Variants in EPG5 observed in about 807,000 individuals in gnomAD.
EPG5 encodes ectopic P granules protein 5 homolog.
Under a neutral mutation model 302.7 loss-of-function variants are expected in EPG5, and 159 were observed. The observed-to-expected ratio is 0.53, with a 90% CI of 0.46 to 0.60. EPG5 has a LOEUF of 0.60. EPG5 is among the 20% of genes least tolerant of loss of function. The pLI is 0.00. For missense variants in EPG5, 2,896 were observed against 3,092.4 expected, an observed-to-expected ratio of 0.94 and a Z score of 1.51; for synonymous variants, 1,158 against 1,136.8, an observed-to-expected ratio of 1.02 and a Z score of -0.37.
intron 27 of EPG5, 113 bp from the exon 28 acceptor site, chr18:45,890,053 C>T: frequency 1.3e-6 from 1 of 761,624 alleles, no homozygotes; most frequent in Non-Finnish European, 2.0e-6. Context: ...ATTTGTATCT[C>T]TTTATATGAC....
At chr18:45,959,989 T>C (rs188839498) in intron 1 of EPG5, among the ~76,000 whole-genome samples, 1 of 151,738 alleles carries the variant, frequency 6.6e-6, no homozygotes, top group East Asian at 2.0e-4. Context: ...CTACTTCAGT[T>C]AAAAATAAAT....
the EPG5 span, among the ~76,000 whole-genome samples, chr18:45,831,512 G>A: frequency 6.6e-6 from 1 of 152,188 alleles, no homozygotes; most frequent in African/African-American, 2.4e-5. Flanking sequence ...GCAATGGCCA[G>A]ACTGTCAACC....
intron 10 of EPG5, among the ~76,000 whole-genome samples, chr18:45,939,291 T>C (rs138914406): frequency 6.6e-6 from 1 of 152,200 alleles, no homozygotes; most frequent in Non-Finnish European, 1.5e-5. Context: ...GGGTATGTGA[T>C]AGATAGAATC....
At chr18:45,938,609 A>T (rs1005825996) in intron 10 of EPG5, among the ~76,000 whole-genome samples, 3 of 152,174 alleles carry the variant, frequency 2.0e-5, no homozygotes, top group Non-Finnish European at 4.4e-5. Context: ...CCCCAGATGA[A>T]ACCACACAAG....
At chr18:45,816,323 T>C in the EPG5 span, among the ~76,000 whole-genome samples, 2 of 151,916 alleles carry the variant, frequency 1.3e-5, no homozygotes, top group Non-Finnish European at 2.9e-5. Flanking sequence ...GCAAAAGGTA[T>C]CGTCAGCAGA....
rs1350475385 is a variant in EPG5 at position 45,847,930 on chromosome 18, G to A, written c.*4537C>T. 6.6e-6 allele frequency: 1 copy of A among 152,426 alleles called. No individual in the cohort carries two copies. The highest frequency in any genetic ancestry group is 2.4e-5 in the African/African-American group (1 of 41,374). The allele number at this position is 152,426 out of a possible 1,614,324, so 9.4% of individuals were successfully genotyped here. A position where few individuals can be genotyped will look rare whatever the true frequency, so the allele number is the denominator to read the frequency against. On this transcript the variant is annotated 3_prime_UTR_variant, in exon 44 of 44. Coordinates refer to ENST00000282041, the MANE Select transcript of EPG5 (RefSeq NM_020964.3). ...TACATCTGTACATTAAAAAATAAAA[G>A]TTATAATCAACAACATTCCTTCGCA...
At chr18:45,824,921 G>A in the EPG5 span, among the ~76,000 whole-genome samples, 2 of 151,982 alleles carry the variant, frequency 1.3e-5, no homozygotes, top group Non-Finnish European at 2.9e-5. Context: ...TTGGACATGA[G>A]GGTTAGAGAG....
chr18:45,838,725 G>T, the EPG5 span: 1 of 1,576,144 alleles, frequency 6.3e-7, no homozygotes, highest in African/African-American at 1.4e-5. Flanking sequence ...CAGCCGCGCC[G>T]CGGATCGTCA....
the EPG5 span, among the ~76,000 whole-genome samples, chr18:45,809,202 C>A: frequency 1.2e-4 from 18 of 152,138 alleles, no homozygotes; most frequent in Non-Finnish European, 2.1e-4. Flanking sequence ...ATGCATCTAA[C>A]ACTGGAGCTC....
At chr18:45,928,069 G>A (rs565577441) in intron 13 of EPG5, among the ~76,000 whole-genome samples, 24 of 152,144 alleles carry the variant, frequency 1.6e-4, no homozygotes, top group African/African-American at 2.9e-4. Flanking sequence ...GGTGGCGGGC[G>A]CCTGTAATCC....
chr18:45,889,015 CT>C (rs1192991046), intron 28 of EPG5, among the ~76,000 whole-genome samples: 1 of 152,088 alleles, frequency 6.6e-6, no homozygotes, highest in East Asian at 1.9e-4. Context: ...ATTCTCACAC[CT>C]TTTTGTGTCC....
intron 27 of EPG5, 86 bp downstream of exon 27, chr18:45,899,318 T>C (rs560240132): frequency 3.4e-5 from 51 of 1,479,996 alleles, no homozygotes; most frequent in Non-Finnish European, 4.6e-5. Context: ...GTGTGCTATA[T>C]ATGTCTTTCA....
chr18:45,829,255 C>A, the EPG5 span: 1 of 688,244 alleles, frequency 1.5e-6, no homozygotes, highest in Non-Finnish European at 1.8e-6. Flanking sequence ...GCCAGATAAC[C>A]CTGAAGCAGA....
At chr18:45,942,173 C>T (rs552146187) in intron 9 of EPG5, among the ~76,000 whole-genome samples, 1 of 152,060 alleles carries the variant, frequency 6.6e-6, no homozygotes, top group East Asian at 1.9e-4. Flanking sequence ...TGCAGTGAGC[C>T]GAGATCGCAC....
Position 45,913,788 on chromosome 18 carries a change from A to G in EPG5, c.3734T>C (p.Phe1245Ser). 1 of 1,614,134 alleles carries G rather than the reference A, an allele frequency of 6.2e-7. No homozygotes were observed. Among genetic ancestry groups the G allele is most frequent in the Non-Finnish European group, 8.5e-7 (1 of 1,179,992 alleles). ...TCTCCGGAGCTGGGAGTCCTCTTCAAAGATGGATTCCATGTTGAGCACTGT... is the reference window on the plus strand; with the variant it reads ...TCTCCGGAGCTGGGAGTCCTCTTCAGAGATGGATTCCATGTTGAGCACTGT... The part of the protein sequence containing the change: ...AWTVLNMESI[F>S]EEDSQLRRVI... The change falls in exon 21 of 44, where the codon TTT becomes TCT. Residue 1245 changes from phenylalanine (F) to serine (S), a missense_variant. Transcript: ENST00000282041.
At position 45,858,713 on chromosome 18, in the gene EPG5, T is replaced by TC; in HGVS notation, c.7078dup (p.Glu2360GlyfsTer33). The TC allele has an allele frequency of 6.2e-7, 1 of 1,614,116 alleles. No individual in the cohort carries two copies. The highest frequency in any genetic ancestry group is 8.5e-7 in the Non-Finnish European group (1 of 1,180,020). ...GGTGAGGCACTCCTGCAGGAACTCT[T>TC]CCATGGTGAGCTCGGGAACCTGAAG... On this transcript the variant is annotated frameshift_variant, in exon 41 of 44. Transcript: ENST00000282041. LOFTEE classifies it high-confidence loss of function.
Position 45,879,001 on chromosome 18 carries a change from G to A in EPG5, c.5869+12C>T, listed in dbSNP as rs375719080. On this transcript the variant is annotated intron_variant, in intron 33 of 43. Transcript: ENST00000282041. ...AAACACCTAGCTCCACATCGCATGA[G>A]AAGTATATTACCTGTTTTCCTGCTG... The A allele has an allele frequency of 1.7e-4, 273 of 1,610,512 alleles. No individual in the cohort carries two copies. The highest frequency in any genetic ancestry group is 1.3e-3 in the Middle Eastern group (8 of 6,050).
At chr18:45,942,524 AC>A (rs61638820) in intron 9 of EPG5, among the ~76,000 whole-genome samples, 7,851 of 152,046 alleles carry the variant, frequency 0.052, 254 homozygotes, top group South Asian at 0.14. Context: ...AATTGCTTGA[AC>A]CCAGGAGGCG....
At chr18:45,868,160 G>A (rs2048787232) in intron 36 of EPG5, 1 of 456,464 alleles carries the variant, frequency 2.2e-6, no homozygotes, top group Admixed American at 2.3e-5. Context: ...GAACTAAATG[G>A]AAGGTATATT....
Sources: gnomAD v4.1 joint callset for allele counts (sites outside exome capture counted in the v4.1 genomes callset) on GRCh38, gnomAD v4.1.1 for gene constraint, MANE v1.5 for transcripts, NCBI Gene and HGNC (gene_info 2026-07-23, HGNC 2026-07-21) for gene names.